The following NPIPB2 variants were observed in gnomAD, a reference collection of about 807,000 sequenced individuals.
NPIPB2 encodes the protein nuclear pore complex interacting protein family member B2, also known as nuclear pore complex-interacting protein family member B2.
Under a neutral mutation model 30.8 loss-of-function variants are expected in NPIPB2, and 27 were observed. The observed-to-expected ratio is 0.88, with a 90% CI of 0.65 to 1.21. The LOEUF (loss-of-function observed/expected upper bound fraction) is 1.21, where lower values mean the gene tolerates loss of function less well. NPIPB2 is among the 50% of genes most tolerant of loss of function. NPIPB2 has a pLI of 0.00. For synonymous variants in NPIPB2, 147 were observed against 162.0 expected (o/e 0.91, Z 0.70); for missense variants, 440 against 446.2 (o/e 0.99, Z 0.13).
intron 1 of NPIPB2, among the ~76,000 whole-genome samples, chr16:11,950,243 C>G (rs923778911): frequency 4.6e-5 from 7 of 152,072 alleles, no homozygotes; most frequent in African/African-American, 1.7e-4. Context: ...GTCCTGTTGG[C>G]TGGGCTTGTC....
intron 2 of NPIPB2, among the ~76,000 whole-genome samples, chr16:11,934,966 CA>C (rs1270902012): frequency 7.0e-5 from 10 of 143,336 alleles, no homozygotes; most frequent in African/African-American, 2.1e-4. Context: ...CACAGGTTAA[CA>C]TGTTTCACAA....
At chr16:11,962,242 T>C (rs1036014612) in intron 1 of NPIPB2, among the ~76,000 whole-genome samples, 5 of 147,446 alleles carry the variant, frequency 3.4e-5, no homozygotes, top group African/African-American at 1.3e-4. Context: ...GGCTTGCACC[T>C]GTAATCCCAG....
At chr16:11,973,756 A>AT (rs1340024099) in intron 1 of NPIPB2, among the ~76,000 whole-genome samples, 1 of 152,130 alleles carries the variant, frequency 6.6e-6, no homozygotes, top group African/African-American at 2.4e-5. Flanking sequence ...CTTGCCTCCC[A>AT]AAGTGCTGGG....
intron 1 of NPIPB2, among the ~76,000 whole-genome samples, chr16:11,948,105 G>A (rs1356744947): frequency 1.3e-5 from 2 of 151,164 alleles, no homozygotes; most frequent in African/African-American, 4.9e-5. Flanking sequence ...GTGGGGGTGG[G>A]AAGAGTCACT....
intron 1 of NPIPB2, among the ~76,000 whole-genome samples, chr16:11,963,539 G>C (rs2055169947): frequency 3.3e-5 from 5 of 152,106 alleles, no homozygotes; most frequent in Admixed American, 3.3e-4. Flanking sequence ...AAATATCAAT[G>C]TATCCACCAC....
chr16:11,966,446 C>T, intron 1 of NPIPB2: 1 of 1,180,242 alleles, frequency 8.5e-7, no homozygotes, highest in Non-Finnish European at 1.2e-6. Flanking sequence ...TCGTTACAGC[C>T]CTTTCGAATG....
At chr16:11,943,859 G>A (rs1313336706), upstream of NPIPB2, among the ~76,000 whole-genome samples, 40 of 149,036 alleles carry the variant, frequency 2.7e-4, no homozygotes, top group Non-Finnish European at 5.2e-4. Flanking sequence ...TTAGCTGGCC[G>A]TGGTGGCGGG....
intron 1 of NPIPB2, among the ~76,000 whole-genome samples, chr16:11,957,405 C>G (rs1248399681): frequency 6.6e-6 from 1 of 152,192 alleles, no homozygotes; most frequent in East Asian, 1.9e-4. Context: ...CCTCGTGACC[C>G]ACCTGCCTCG....
chr16:11,971,400 C>T (rs1047427329), intron 1 of NPIPB2, among the ~76,000 whole-genome samples: 2 of 112,828 alleles, frequency 1.8e-5, no homozygotes, highest in Non-Finnish European at 3.3e-5. Flanking sequence ...TACACTGGTT[C>T]GGTCCAGAAA....
intron 1 of NPIPB2, among the ~76,000 whole-genome samples, chr16:11,959,250 C>T (rs1276700842): frequency 6.6e-6 from 1 of 152,032 alleles, no homozygotes; most frequent in South Asian, 2.1e-4. Flanking sequence ...TACATCAGCA[C>T]CTGTCTCATA....
At chr16:11,930,408 T>C in intron 5 of NPIPB2, 42 bp downstream of exon 5, 2 of 1,508,418 alleles carry the variant, frequency 1.3e-6, no homozygotes, top group Non-Finnish European at 1.8e-6. Context: ...AACACTCCAA[T>C]GGGCGTTTCC....
At chr16:11,938,382 G>A (rs1192084049) in intron 1 of NPIPB2, among the ~76,000 whole-genome samples, 8 of 151,458 alleles carry the variant, frequency 5.3e-5, no homozygotes, top group Non-Finnish European at 1.0e-4. Flanking sequence ...CCAGGCTGGA[G>A]TGCAGTGGTG....
intron 1 of NPIPB2, among the ~76,000 whole-genome samples, chr16:11,976,247 C>T (rs1457409866): frequency 6.6e-6 from 1 of 152,176 alleles, no homozygotes; most frequent in East Asian, 1.9e-4. Flanking sequence ...CACTCATCCC[C>T]TCGCTCCTGT....
chr16:11,960,326 G>T (rs2055144091), intron 1 of NPIPB2, among the ~76,000 whole-genome samples: 1 of 151,114 alleles, frequency 6.6e-6, no homozygotes, highest in Non-Finnish European at 1.5e-5. Flanking sequence ...TTCTTCCCCT[G>T]GCTTCTGGCT....
chr16:11,947,320 ATT>A (rs200920676), intron 1 of NPIPB2, among the ~76,000 whole-genome samples: 2,719 of 58,630 alleles, frequency 0.046, 28 homozygotes, highest in Middle Eastern at 0.16. Flanking sequence ...TTATTTATTT[ATT>A]TATATATATA....
At chr16:11,937,889 G>T (rs1241430942) in intron 1 of NPIPB2, among the ~76,000 whole-genome samples, 2 of 152,134 alleles carry the variant, frequency 1.3e-5, no homozygotes, top group Admixed American at 6.6e-5. Context: ...GTGGGGTGTT[G>T]TCTTTCTTGG....
At chr16:11,941,566 C>A (rs1046285356) in intron 1 of NPIPB2, among the ~76,000 whole-genome samples, 3 of 150,672 alleles carry the variant, frequency 2.0e-5, no homozygotes, top group Admixed American at 1.3e-4. Context: ...ACAGGACACG[C>A]GGGGCAAGGG....
chr16:11,938,657 T>A (rs1444540875), intron 1 of NPIPB2, among the ~76,000 whole-genome samples: 2 of 151,304 alleles, frequency 1.3e-5, no homozygotes, highest in Non-Finnish European at 3.0e-5. Context: ...TTAAGAAAGT[T>A]TACAAATTTG....
rs756756162 is a variant in NPIPB2, at chr16:11,933,692, G to C, written c.313C>G (p.His105Asp). 1.0e-5 allele frequency: 16 copies of C among 1,596,764 alleles called. No individual in the cohort carries two copies. In the East Asian group the frequency reaches 2.9e-4, roughly 29 times the overall value. Residue 105 changes from histidine to aspartate, a missense_variant, in exon 4 of 8, where the codon CAC (histidine) becomes GAC (aspartate). Physicochemically the swap from His to Asp is moderately conservative, Grantham distance 81 (BLOSUM62 -1). Transcript: ENST00000399147. ...AAGGAAGAAACTCTTTTCTTTGTGT[G>C]CATACAAATGGACCTCAGCCCTTGG...
Sources: gnomAD v4.1 joint callset for allele counts (sites outside exome capture counted in the v4.1 genomes callset) on GRCh38, gnomAD v4.1.1 for gene constraint, MANE v1.5 for transcripts, NCBI Gene and HGNC (gene_info 2026-07-23, HGNC 2026-07-21) for gene names.